The following DDX54 variants were observed in gnomAD, a reference collection of about 807,000 sequenced individuals.
DDX54 encodes ATP-dependent RNA helicase DDX54.
DDX54 carries 67 observed loss-of-function variants against 105.5 expected under a neutral mutation model. The observed-to-expected ratio is 0.64, with a 90% CI of 0.52 to 0.78. DDX54 has a LOEUF of 0.78. DDX54 is among the 30% of genes least tolerant of loss of function. DDX54 has a pLI of 0.00. For missense variants in DDX54, 1,206 were observed against 1,230.5 expected (o/e 0.98, Z 0.30); for synonymous variants, 514 against 509.9 (o/e 1.01, Z -0.11).
At chr12:113,174,998 T>TGACCCCCAGCCC in intron 8 of DDX54, 38 bp downstream of exon 8, 2 of 1,596,844 alleles carry the variant, frequency 1.3e-6, no homozygotes, top group Non-Finnish European at 1.7e-6. Flanking sequence ...GGCCCCAGCC[T>TGACCCCCAGCCC]GACCCCCAGC....
At chr12:113,182,148 GTCCAT>G (rs1432060220) in intron 1 of DDX54, among the ~76,000 whole-genome samples, 2 of 152,120 alleles carry the variant, frequency 1.3e-5, no homozygotes, top group Non-Finnish European at 2.9e-5. Context: ...CTATTGTTCT[GTCCAT>G]TTTACAGAGA....
At chr12:113,175,610 A>G (rs1463978386) in intron 7 of DDX54, among the ~76,000 whole-genome samples, 3 of 152,176 alleles carry the variant, frequency 2.0e-5, no homozygotes, top group Non-Finnish European at 4.4e-5. Context: ...AACACAGTGA[A>G]ACCCCGTCTC....
intron 7 of DDX54, among the ~76,000 whole-genome samples, chr12:113,176,030 C>T (rs1267624148): frequency 6.6e-6 from 1 of 151,942 alleles, no homozygotes; most frequent in Non-Finnish European, 1.5e-5. Context: ...ACCCCCTCCC[C>T]AACTCTGCCA....
chr12:113,169,160 C>T (rs1196852778), intron 12 of DDX54, among the ~76,000 whole-genome samples: 2 of 152,032 alleles, frequency 1.3e-5, no homozygotes, highest in Non-Finnish European at 2.9e-5. Context: ...CAACTGTTTC[C>T]CAGTAGATAC....
At chr12:113,180,300 G>A (rs903269697) in intron 2 of DDX54, among the ~76,000 whole-genome samples, 8 of 152,134 alleles carry the variant, frequency 5.3e-5, no homozygotes, top group Non-Finnish European at 8.8e-5. Flanking sequence ...CGTTTTAGGC[G>A]TGGTAAGGTC....
intron 1 of DDX54, among the ~76,000 whole-genome samples, chr12:113,182,042 T>C (rs1448731342): frequency 6.6e-6 from 1 of 151,862 alleles, no homozygotes; most frequent in Non-Finnish European, 1.5e-5. Flanking sequence ...TAAGAGTGGC[T>C]GAAACTTACA....
At position 113,166,002 on chromosome 12, in the gene DDX54, C is replaced by T. The variant is rs549409906; in HGVS notation, c.1445G>A (p.Arg482Gln). 27 of 1,610,244 alleles carry T rather than the reference C, an allele frequency of 1.7e-5. No individual in the cohort carries two copies. The highest frequency in any genetic ancestry group is 8.3e-5 in the Admixed American group (5 of 60,022). The stretch of plus-strand genomic sequence containing the variant: ...CTCGTCCACCACACTCTGTGGCACC[C>T]GACCCAGCATGCCATCCACACCGGC... ...GVAGVDGMLG[R>Q]VPQSVVDEED... The change falls in exon 13 of 20, where the codon CGG becomes CAG. Residue 482 changes from arginine to glutamine, a missense_variant. This residue lies in a region of DDX54 where 961 missense variants were observed against 1,019.1 expected (regional missense o/e 0.94). Coordinates refer to ENST00000306014, the MANE Select transcript of DDX54 (RefSeq NM_024072.4).
chr12:113,174,500 A>G, intron 10 of DDX54, 140 bp downstream of exon 10: 1 of 1,290,918 alleles, frequency 7.7e-7, no homozygotes, highest in African/African-American at 1.5e-5. Flanking sequence ...AAAATAAAAA[A>G]TAAAAATAAA....
chr12:113,164,866 A>G (rs977445446), intron 14 of DDX54, among the ~76,000 whole-genome samples: 4 of 151,600 alleles, frequency 2.6e-5, no homozygotes, highest in African/African-American at 9.7e-5. Context: ...TCTCTACAAA[A>G]AATAAAAAAA....
chr12:113,185,466 G>A lies in DDX54; in HGVS notation c.-15C>T. ...TCGGCCGCCATTCGGGCCGCGCGCT[G>A]GGAACGCAGAAGGGGGCGTGGCCTG... is the stretch of plus-strand genomic sequence containing the variant. On this transcript the variant is annotated 5_prime_UTR_variant, in exon 1 of 20. Coordinates refer to ENST00000306014, the MANE Select transcript of DDX54 (RefSeq NM_024072.4). 2 of 1,494,196 alleles carry A rather than the reference G, an allele frequency of 1.3e-6. No homozygotes were observed. Among genetic ancestry groups the A allele is most frequent in the East Asian group, 2.6e-5 (1 of 38,090 alleles). The allele number at this position is 1,494,196 out of a possible 1,614,324, so 92.6% of individuals were successfully genotyped here.
chr12:113,158,706 C>T lies in DDX54; in HGVS notation c.*171G>A, dbSNP rs577667023. 6.5e-5 allele frequency: 47 copies of T among 727,222 alleles called. No homozygotes were observed. Among genetic ancestry groups the T allele is most frequent in the South Asian group, 1.1e-4 (5 of 45,674 alleles). The allele number at this position is 727,222 out of a possible 1,614,324, so 45.0% of individuals were successfully genotyped here. On this transcript the variant is annotated 3_prime_UTR_variant, in exon 20 of 20. Transcript: ENST00000306014. This position sits in a 1 kb window ranked among gnomAD's most constrained non-coding sequence, Gnocchi z 4.9. ...TTCAAATGTCTCTGTCTTAGGCTGA[C>T]GCAGCTGCTGCCCTTCTGTGGCCAT...
Position 113,157,533 on chromosome 12 carries a change from C to A in DDX54, c.*1344G>T, listed in dbSNP as rs917885557. 9.0e-6 allele frequency: 12 copies of A among 1,335,044 alleles called. No homozygotes were observed. In the East Asian group the frequency reaches 1.0e-4, roughly 11 times the overall value. 82.7% of individuals were successfully genotyped at this position (1,335,044 alleles called of 1,614,324 possible). A position where few individuals can be genotyped will look rare whatever the true frequency, so the allele number is the denominator to read the frequency against. ...CCGCCCTACCTTTCGGCCTCCCCCG[C>A]GTGTTGAGGGGTGGGGGCTGGACAG... On this transcript the variant is annotated 3_prime_UTR_variant, in exon 20 of 20. Transcript: ENST00000306014.
At position 113,172,566 on chromosome 12, in the gene DDX54, G is replaced by C. The variant is rs1350397247; in HGVS notation, c.1069-3C>G. On this transcript the variant is annotated splice_polypyrimidine_tract_variant and splice_region_variant and intron_variant, in intron 10 of 19. Coordinates refer to ENST00000306014, the MANE Select transcript of DDX54 (RefSeq NM_024072.4). The stretch of plus-strand genomic sequence containing the variant: ...CTCACCCGCTGGGTCGTCAGCAGCT[G>C]CTCAGAGCAAAGATGGTAGCAAAGT... 6.2e-7 allele frequency: 1 copy of C among 1,613,908 alleles called. No homozygotes were observed. Among genetic ancestry groups the C allele is most frequent in the South Asian group, 1.1e-5 (1 of 91,062 alleles).
intron 18 of DDX54, chr12:113,161,629 G>A (rs1395409458): frequency 5.5e-6 from 3 of 549,324 alleles, no homozygotes; most frequent in Non-Finnish European, 9.7e-6. Context: ...CCCAGCACAG[G>A]CCCCACTTAC....
At chr12:113,172,772 G>A (rs1007926277) in intron 10 of DDX54, among the ~76,000 whole-genome samples, 1 of 152,216 alleles carries the variant, frequency 6.6e-6, no homozygotes, top group African/African-American at 2.4e-5. Flanking sequence ...TCTCTGCAGG[G>A]TTGTCTGAGG....
chr12:113,158,987 C>T lies in DDX54; in HGVS notation c.2536G>A (p.Gly846Ser). ...TTGCGGGCAGAGAGCTGCTTGAGGC[C>T]ACCACGCTGCAGGAAGTGCAGCTTC... ...AQKLHFLQRG[G>S]LKQLSARNRR... Residue 846 changes from glycine to serine, a missense_variant, in exon 20 of 20, where the codon GGC becomes AGC. Around this residue, in one of 3 missense-constraint regions of DDX54, gnomAD observed 961 missense variants for 1,019.1 expected, o/e 0.94. Transcript: ENST00000306014. This position sits in a 1 kb window ranked among gnomAD's most constrained non-coding sequence, Gnocchi z 4.9. 1 of 1,611,368 alleles carries T rather than the reference C, an allele frequency of 6.2e-7. No individual in the cohort carries two copies. The highest frequency in any genetic ancestry group is 8.5e-7 in the Non-Finnish European group (1 of 1,179,152).
intron 1 of DDX54, chr12:113,183,790 T>C (rs1396667348): frequency 2.0e-5 from 3 of 152,162 alleles, no homozygotes; most frequent in Non-Finnish European, 4.4e-5. Context: ...CCTTTTTTTT[T>C]TTTTTCTTTT....
At chr12:113,173,014 G>A (rs1282645682) in intron 10 of DDX54, among the ~76,000 whole-genome samples, 2 of 152,168 alleles carry the variant, frequency 1.3e-5, no homozygotes, top group Non-Finnish European at 2.9e-5. Context: ...TCTCAACATG[G>A]AACACTCATG....
Position 113,157,414 on chromosome 12 carries a change from G to A in DDX54, c.*1463C>T, listed in dbSNP as rs531090081. The A allele has an allele frequency of 1.1e-4, 68 of 597,922 alleles. 1 individual carries two copies. In the South Asian group the frequency reaches 1.3e-3, roughly 12 times the overall value. 37.0% of individuals were successfully genotyped at this position (597,922 alleles called of 1,614,324 possible). A position where few individuals can be genotyped will look rare whatever the true frequency, so the allele number is the denominator to read the frequency against. On this transcript the variant is annotated 3_prime_UTR_variant, in exon 20 of 20. Coordinates refer to ENST00000306014, the MANE Select transcript of DDX54 (RefSeq NM_024072.4). ...ACGCAGCAGTTGGGAAGGTTGGCCT[G>A]AGGCTTTCAAAACCCAGAACGGTTT...
Sources: gnomAD v4.1 joint callset for allele counts (sites outside exome capture counted in the v4.1 genomes callset) on GRCh38, gnomAD v4.1.1 for gene constraint, gnomAD v4.1.1 regional missense constraint, Gnocchi (gnomAD v3.1) non-coding constraint, MANE v1.5 for transcripts, NCBI Gene and HGNC (gene_info 2026-07-23, HGNC 2026-07-21) for gene names.